Variants in FAM13A observed in about 807,000 individuals in gnomAD.
The protein encoded by FAM13A is protein FAM13A.
Under a neutral mutation model 129.6 loss-of-function variants are expected in FAM13A, and 76 were observed. The ratio of observed to expected loss-of-function variants is 0.59; its 90% confidence interval spans 0.49 to 0.71. The LOEUF (loss-of-function observed/expected upper bound fraction) is 0.71, where lower values mean the gene tolerates loss of function less well. Among genes scored for constraint, FAM13A ranks in the 30% least tolerant of loss-of-function variants. The pLI, the probability that FAM13A is intolerant of heterozygous loss-of-function variation, is 0.00. For missense variants in FAM13A, 1,108 were observed against 1,249.3 expected (o/e 0.89, Z 1.70); for synonymous variants, 443 against 449.9 (o/e 0.98, Z 0.20).
intron 1 of FAM13A, among the ~76,000 whole-genome samples, chr4:89,046,985 G>A (rs930204607): frequency 6.6e-6 from 1 of 152,154 alleles, no homozygotes; most frequent in African/African-American, 2.4e-5. Context: ...ATCTAAAGTG[G>A]CTCAAATTTC....
intron 7 of FAM13A, among the ~76,000 whole-genome samples, chr4:88,841,933 G>A (rs977222345): frequency 4.6e-5 from 7 of 152,124 alleles, no homozygotes; most frequent in African/African-American, 1.7e-4. Context: ...ATATATGCCC[G>A]TACGAAGGCT....
chr4:88,817,055 G>C (rs1422845201), intron 7 of FAM13A, among the ~76,000 whole-genome samples: 2 of 152,064 alleles, frequency 1.3e-5, no homozygotes, highest in African/African-American at 2.4e-5. Flanking sequence ...CCATAAAAAG[G>C]AATGAAGTAT....
intron 4 of FAM13A, among the ~76,000 whole-genome samples, chr4:88,974,754 C>G (rs950371158): frequency 2.0e-5 from 3 of 152,108 alleles, no homozygotes; most frequent in African/African-American, 7.2e-5. Context: ...AAGAAGTTAT[C>G]AAAACCAGAA....
chr4:88,990,171 T>C, intron 4 of FAM13A: 1 of 152,194 alleles, frequency 6.6e-6, no homozygotes, highest in East Asian at 1.9e-4. Context: ...CACTAGGATC[T>C]AAGCCAGAAT....
chr4:88,930,716 T>G (rs758277395), intron 5 of FAM13A, among the ~76,000 whole-genome samples: 1 of 152,108 alleles, frequency 6.6e-6, no homozygotes, highest in Non-Finnish European at 1.5e-5. Context: ...TTGGGCTACA[T>G]GTGTGAGTGG....
rs181667252 is a variant in FAM13A at position 89,003,985 on chromosome 4, G to A, written c.428-12835C>T. 7.2e-5 allele frequency among the ~76,000 whole-genome samples: 11 copies of A among 152,174 alleles called. No individual in the cohort carries two copies. The East Asian group carries it at 9.7e-4, about 13-fold the overall frequency. ...CCAAAGGGTATGGTAGGGATCTGCCGGTTTTCTTTTCTTTTTTTGTAGAGA... is the reference window on the plus strand; with the variant it reads ...CCAAAGGGTATGGTAGGGATCTGCCAGTTTTCTTTTCTTTTTTTGTAGAGA... On this transcript the variant is annotated intron_variant, in intron 3 of 23. Transcript: ENST00000264344.
At chr4:88,741,530 G>A (rs1455845236) in intron 19 of FAM13A, among the ~76,000 whole-genome samples, 1 of 152,134 alleles carries the variant, frequency 6.6e-6, no homozygotes. Context: ...CTGGAGGATC[G>A]GCAACGTTTT....
chr4:88,979,551 GATA>G (rs1455597513), intron 4 of FAM13A, among the ~76,000 whole-genome samples: 1 of 152,234 alleles, frequency 6.6e-6, no homozygotes, highest in Middle Eastern at 3.4e-3. Context: ...CACGTGAAGA[GATA>G]ATAATAGTAC....
intron 4 of FAM13A, among the ~76,000 whole-genome samples, chr4:88,966,791 G>C (rs927641891): frequency 2.0e-5 from 3 of 152,098 alleles, no homozygotes; most frequent in Non-Finnish European, 4.4e-5. Context: ...TGAATTAAAT[G>C]TCACTAGCTT....
intron 23 of FAM13A, chr4:88,729,069 T>TGG (rs56678684): frequency 6.8e-6 from 1 of 146,002 alleles, no homozygotes; most frequent in South Asian, 2.1e-4. Flanking sequence ...GTTTTTTTTT[T>TGG]TTTTTTTTTT....
At chr4:88,732,283 A>G in intron 21 of FAM13A, 85 bp from the exon 22 acceptor site, 1 of 938,574 alleles carries the variant, frequency 1.1e-6, no homozygotes, top group Non-Finnish European at 1.6e-6. Flanking sequence ...TAATCATTTA[A>G]TTATCAGACT....
chr4:88,917,784 G>A (rs1750345590), intron 5 of FAM13A, among the ~76,000 whole-genome samples: 1 of 152,052 alleles, frequency 6.6e-6, no homozygotes, highest in Admixed American at 6.5e-5. Context: ...CCCTTCTTTG[G>A]AGGAAGATGT....
At chr4:88,749,207 T>G (rs964692584) in intron 16 of FAM13A, among the ~76,000 whole-genome samples, 174 bp from the exon 17 acceptor site, 9 of 152,222 alleles carry the variant, frequency 5.9e-5, no homozygotes, top group Non-Finnish European at 1.3e-4. Context: ...TATCCTTCTT[T>G]ATATTTGGTT....
At chr4:88,852,247 C>G (rs1033587875) in intron 6 of FAM13A, among the ~76,000 whole-genome samples, 2 of 151,900 alleles carry the variant, frequency 1.3e-5, no homozygotes, top group African/African-American at 2.4e-5. Flanking sequence ...CTGCAACCCC[C>G]ACCTCCTGGG....
intron 3 of FAM13A, among the ~76,000 whole-genome samples, chr4:89,011,793 T>C (rs1186867379): frequency 6.6e-6 from 1 of 152,230 alleles, no homozygotes; most frequent in Non-Finnish European, 1.5e-5. Flanking sequence ...CAAAGTGTTT[T>C]CTGACCACCA....
intron 7 of FAM13A, among the ~76,000 whole-genome samples, chr4:88,847,854 G>A (rs1004767101): frequency 1.3e-5 from 2 of 151,772 alleles, no homozygotes; most frequent in Non-Finnish European, 2.9e-5. Context: ...GGAGAATGGC[G>A]TGAACCCAGG....
chr4:88,978,698 G>T (rs986954689), intron 4 of FAM13A, among the ~76,000 whole-genome samples: 1 of 152,156 alleles, frequency 6.6e-6, no homozygotes, highest in South Asian at 2.1e-4. Flanking sequence ...GGAGGCTGAG[G>T]CAGGAGAATG....
intron 21 of FAM13A, among the ~76,000 whole-genome samples, chr4:88,734,956 T>C (rs539917428): frequency 1.3e-5 from 2 of 152,366 alleles, no homozygotes; most frequent in African/African-American, 2.4e-5. Flanking sequence ...TTAAACCATA[T>C]GCAGGTTAAT....
chr4:88,871,602 A>G (rs1196572597), intron 6 of FAM13A, among the ~76,000 whole-genome samples: 2 of 152,356 alleles, frequency 1.3e-5, no homozygotes, highest in African/African-American at 4.8e-5. Flanking sequence ...GAGAAAAAAG[A>G]GTAAAAAGAA....
Sources: gnomAD v4.1 joint callset for allele counts (sites outside exome capture counted in the v4.1 genomes callset) on GRCh38, gnomAD v4.1.1 for gene constraint, MANE v1.5 for transcripts, NCBI Gene and HGNC (gene_info 2026-07-23, HGNC 2026-07-21) for gene names.